The following EDN3 variants were observed in gnomAD, a reference collection of about 807,000 sequenced individuals.
EDN3 encodes the protein endothelin-3.
Under a neutral mutation model 21.4 loss-of-function variants are expected in EDN3, and 9 were observed. The ratio of observed to expected loss-of-function variants is 0.42; its 90% CI spans 0.25 to 0.73. EDN3 has a LOEUF of 0.73. EDN3 is among the 30% of genes least tolerant of loss of function. The pLI is 0.26. For synonymous variants in EDN3, 133 were observed against 126.2 expected, an observed-to-expected ratio of 1.05 and a Z score of -0.36; for missense variants, 327 against 309.4, an observed-to-expected ratio of 1.06 and a Z score of -0.43.
In EDN3 at chr20:59,322,468, G is replaced by A. The variant is rs752163944; in HGVS notation, c.588+51G>A. ...GTCAAAGGAGGTGAAGATGTGACGT[G>A]TCATTCCTTCGGGGGTGGGTGGAGG... On this transcript the variant is annotated intron_variant, in intron 4 of 4. Transcript: ENST00000337938. This position sits in a 1 kb window ranked among gnomAD's most constrained non-coding sequence, Gnocchi z 4.1. The A allele has an allele frequency of 6.2e-7, 1 of 1,607,630 alleles. No individual in the cohort carries two copies. The highest frequency in any genetic ancestry group is 1.7e-5 in the Admixed American group (1 of 60,016).
rs1347833448 is a variant in EDN3, at chr20:59,325,417, G to A, written c.*958G>A. The A allele has an allele frequency of 6.6e-6, 1 of 152,350 alleles. No individual in the cohort carries two copies. The highest frequency in any genetic ancestry group is 1.5e-5 in the Non-Finnish European group (1 of 68,034). The allele number at this position is 152,350 out of a possible 1,614,324, so 9.4% of individuals were successfully genotyped here. On this transcript the variant is annotated 3_prime_UTR_variant, in exon 5 of 5. Transcript: ENST00000337938. ...CTCTTTCAGCTGCGCTCTTCCCACCGAGCCGAGCTTACTGTGAGTGTGGAG... is the reference window on the plus strand; with the variant it reads ...CTCTTTCAGCTGCGCTCTTCCCACCAAGCCGAGCTTACTGTGAGTGTGGAG...
In EDN3 at chr20:59,300,864, G is replaced by GTTA; in HGVS notation, c.52_52+1insTTA (p.Gly18delinsValArg). ...CGGGCTCACAGTGACCTCCGCCGCA[G>GTTA]GTAAGCGCACGGGGCGGCGCGCCTC... On this transcript the variant is annotated protein_altering_variant and splice_region_variant. Coordinates refer to ENST00000337938, the MANE Select transcript of EDN3 (RefSeq NM_207034.3). 6.2e-7 allele frequency: 1 copy of GTTA among 1,611,154 alleles called. No homozygotes were observed. Among genetic ancestry groups the GTTA allele is most frequent in the Non-Finnish European group, 8.5e-7 (1 of 1,179,646 alleles).
intron 2 of EDN3, among the ~76,000 whole-genome samples, chr20:59,303,469 G>A (rs759026822): frequency 5.9e-5 from 9 of 152,230 alleles, no homozygotes; most frequent in African/African-American, 1.7e-4. Flanking sequence ...ACCAGGAACC[G>A]AGTTCTTGTC....
chr20:59,319,148 G>C (rs543940810), intron 2 of EDN3, among the ~76,000 whole-genome samples: 10 of 152,086 alleles, frequency 6.6e-5, no homozygotes, highest in Non-Finnish European at 1.5e-4. Flanking sequence ...GCTCATCAGC[G>C]GGGCCTGTCT....
At chr20:59,306,450 C>A (rs150064734) in intron 2 of EDN3, among the ~76,000 whole-genome samples, 179 of 152,192 alleles carry the variant, frequency 1.2e-3, no homozygotes, top group African/African-American at 4.2e-3. Flanking sequence ...GCTGCCAAGT[C>A]TCTCCTAATC....
intron 4 of EDN3, chr20:59,323,551 C>T: frequency 2.5e-6 from 1 of 398,974 alleles, no homozygotes; most frequent in East Asian, 3.6e-5. Flanking sequence ...AGACAGCAAA[C>T]ATGTACAATT....
chr20:59,303,533 A>G (rs1169939709), intron 2 of EDN3, among the ~76,000 whole-genome samples: 2 of 152,208 alleles, frequency 1.3e-5, no homozygotes, highest in Non-Finnish European at 2.9e-5. Flanking sequence ...AAGCTAATGG[A>G]ATTACAGACA....
intron 1 of EDN3, among the ~76,000 whole-genome samples, 189 bp from the exon 2 acceptor site, chr20:59,301,221 G>C (rs1356795206): frequency 2.0e-5 from 3 of 152,270 alleles, no homozygotes; most frequent in Admixed American, 1.3e-4. Flanking sequence ...GTTTTCAACG[G>C]GTGCAGATAG....
At position 59,322,445 on chromosome 20, in the gene EDN3, C is replaced by A; in HGVS notation, c.588+28C>A. ...GAGAGGTGCCAACAGAGGCCTGTGT[C>A]AAAGGAGGTGAAGATGTGACGTGTC... is the stretch of plus-strand genomic sequence containing the variant. On this transcript the variant is annotated intron_variant, in intron 4 of 4. Transcript: ENST00000337938. The surrounding 1 kb of genome is among the most constrained non-coding windows in gnomAD (Gnocchi z 4.1). 1 of 1,611,216 alleles carries A rather than the reference C, an allele frequency of 6.2e-7. No homozygotes were observed. Among genetic ancestry groups the A allele is most frequent in the Non-Finnish European group, 8.5e-7 (1 of 1,177,392 alleles).
chr20:59,321,280 T>A, intron 3 of EDN3, 87 bp downstream of exon 3: 1 of 1,464,270 alleles, frequency 6.8e-7, no homozygotes, highest in Non-Finnish European at 9.5e-7. Context: ...AAGGAGGGTG[T>A]AGGATAGTTC....
chr20:59,322,391 A>G lies in EDN3; in HGVS notation c.562A>G (p.Lys188Glu). 1.2e-6 allele frequency: 2 copies of G among 1,614,260 alleles called. No homozygotes were observed. Among genetic ancestry groups the G allele is most frequent in the South Asian group, 2.2e-5 (2 of 91,080 alleles). The part of the protein sequence containing the change: ...DVSSNSRTAE[K>E]TDKEEEGKVE... The stretch of plus-strand genomic sequence containing the variant: ...CCACAGTAATTCAAGGACGGCAGAA[A>G]AAACAGACAAAGAAGAGGAAGGGAA... Residue 188 changes from lysine (K) to glutamate (E), a missense_variant, in exon 4 of 5, where the codon AAA becomes GAA. Coordinates refer to ENST00000337938, the MANE Select transcript of EDN3 (RefSeq NM_207034.3). This position sits in a 1 kb window ranked among gnomAD's most constrained non-coding sequence, Gnocchi z 4.1.
At chr20:59,321,568 C>T (rs1217392354) in intron 3 of EDN3, among the ~76,000 whole-genome samples, 4 of 152,140 alleles carry the variant, frequency 2.6e-5, no homozygotes, top group Admixed American at 6.6e-5. Context: ...TTAGCCTTCT[C>T]GAAAATAGCC....
chr20:59,301,092 C>T (rs1988980230), intron 1 of EDN3, among the ~76,000 whole-genome samples: 1 of 152,214 alleles, frequency 6.6e-6, no homozygotes, highest in Admixed American at 6.5e-5. Flanking sequence ...AGACCTGCTG[C>T]CTGGGCCGAC....
chr20:59,302,227 A>C (rs553854532), intron 2 of EDN3, among the ~76,000 whole-genome samples: 1 of 152,252 alleles, frequency 6.6e-6, no homozygotes, highest in South Asian at 2.1e-4. Flanking sequence ...TCGGGGTAGA[A>C]TTCCCCTGGG....
rs1990794566 is a variant in EDN3 at position 59,325,598 on chromosome 20, A to T, written c.*1139A>T. 6.6e-6 allele frequency: 1 copy of T among 152,224 alleles called. No homozygotes were observed. Among genetic ancestry groups the T allele is most frequent in the East Asian group, 1.9e-4 (1 of 5,202 alleles). The allele number at this position is 152,224 out of a possible 1,614,324, so 9.4% of individuals were successfully genotyped here. On this transcript the variant is annotated 3_prime_UTR_variant, in exon 5 of 5. Transcript: ENST00000337938. ...TATGACAGAGCATTGGCCTTGACCAAATGTTAAATCCTCTGTGTGTATTTC... is the reference window on the plus strand; with the variant it reads ...TATGACAGAGCATTGGCCTTGACCATATGTTAAATCCTCTGTGTGTATTTC...
chr20:59,323,681 G>T (rs960952908), intron 4 of EDN3: 14 of 400,030 alleles, frequency 3.5e-5, no homozygotes, highest in Non-Finnish European at 6.2e-5. Context: ...CTGAAGGAAG[G>T]CTGGGAGGAG....
At chr20:59,306,576 C>G (rs1989425728) in intron 2 of EDN3, among the ~76,000 whole-genome samples, 1 of 126,256 alleles carries the variant, frequency 7.9e-6, no homozygotes, top group South Asian at 2.4e-4. Flanking sequence ...GTTTTTTTCT[C>G]CCCTAAATGC....
At chr20:59,306,595 T>TAAAAAAAAAA (rs57144708) in intron 2 of EDN3, among the ~76,000 whole-genome samples, 27 of 62,408 alleles carry the variant, frequency 4.3e-4, no homozygotes, top group East Asian at 1.1e-3. Context: ...GCATAAAGAG[T>TAAAAAAAAAA]AAAAAAAAAA....
chr20:59,307,819 G>C (rs755887258), intron 2 of EDN3, among the ~76,000 whole-genome samples: 245 of 151,934 alleles, frequency 1.6e-3, no homozygotes, highest in Non-Finnish European at 1.7e-3. Context: ...TGGAACCACA[G>C]GTGCGTGTCA....
Sources: allele counts gnomAD v4.1 joint callset (sites outside exome capture counted in the v4.1 genomes callset), GRCh38; gene constraint gnomAD v4.1.1; non-coding constraint Gnocchi (gnomAD v3.1); transcripts MANE v1.5; gene names NCBI Gene and HGNC (gene_info 2026-07-23, HGNC 2026-07-21).